Variants in WWOX observed in about 807,000 individuals in gnomAD.
WWOX encodes WW domain-containing oxidoreductase.
Under a neutral mutation model 46.2 loss-of-function variants are expected in WWOX, and 69 were observed. That is an observed-to-expected ratio of 1.49 (90% confidence interval 1.23 to 1.82). WWOX has a LOEUF of 1.82. WWOX is among the 40% of genes most tolerant of loss of function. The probability of loss-of-function intolerance (pLI) is 0.00; values close to 1 mark genes in which losing one functional copy is unlikely to be tolerated. For missense variants in WWOX, 919 were observed against 542.6 expected (o/e 1.69, Z -6.89); for synonymous variants, 359 against 202.6 (o/e 1.77, Z -6.56).
chr16:78,857,563 C>T (rs1241167439), intron 8 of WWOX, among the ~76,000 whole-genome samples: 1 of 152,126 alleles, frequency 6.6e-6, no homozygotes, highest in Non-Finnish European at 1.5e-5. Context: ...CCCAAGCTGA[C>T]TGTCGGTCAA....
rs143900709 is a variant in WWOX, at chr16:78,904,129, A to C, written c.1057-307479A>C. Reference sequence around the variant, plus strand: ...AACTGCAGAGCTTTTGCAGTTATTAAACTAGCAACAGATGTAAAGTCCAAC... The same window carrying C: ...AACTGCAGAGCTTTTGCAGTTATTACACTAGCAACAGATGTAAAGTCCAAC... On this transcript the variant is annotated intron_variant, in intron 8 of 8. Transcript: ENST00000566780. Among the ~76,000 whole-genome samples the C allele has an allele frequency of 4.1e-3, 623 of 152,284 alleles. 3 individuals are homozygous for C. The highest frequency in any genetic ancestry group is 0.014 in the African/African-American group (602 of 41,550).
At chr16:78,917,337 A>G (rs1457160115) in intron 8 of WWOX, among the ~76,000 whole-genome samples, 3 of 152,164 alleles carry the variant, frequency 2.0e-5, no homozygotes, top group East Asian at 3.9e-4. Context: ...GGTGTCCCAC[A>G]CTCAAATAAA....
intron 8 of WWOX, among the ~76,000 whole-genome samples, chr16:78,953,024 G>A (rs1016096911): frequency 7.1e-6 from 1 of 141,572 alleles, no homozygotes; most frequent in Non-Finnish European, 1.5e-5. Context: ...TTGCTTCCCT[G>A]GATTTTTTTT....
At chr16:78,783,559 G>A (rs1305115499) in intron 8 of WWOX, among the ~76,000 whole-genome samples, 1 of 152,214 alleles carries the variant, frequency 6.6e-6, no homozygotes, top group East Asian at 1.9e-4. Flanking sequence ...AGGTTGATGT[G>A]TATGAGACCT....
rs1160494046 is a variant in WWOX, at chr16:78,422,720, C to CAT, written c.606-2140_606-2139dup. ...ACACACATATATATATACACACACA[C>CAT]ATATATATATACACACACATATATA... On this transcript the variant is annotated intron_variant, in intron 6 of 8. Transcript: ENST00000566780. Among the ~76,000 whole-genome samples, 37 of 95,858 alleles carry CAT rather than the reference C, an allele frequency of 3.9e-4. 1 individual carries two copies. Among genetic ancestry groups the CAT allele is most frequent in the African/African-American group, 8.6e-4 (18 of 20,856 alleles). The allele number at this position is 95,858 out of a possible 152,430, so 62.9% of individuals were successfully genotyped here.
At chr16:78,420,627 A>G (rs2082903394) in intron 6 of WWOX, among the ~76,000 whole-genome samples, 1 of 149,004 alleles carries the variant, frequency 6.7e-6, no homozygotes. Context: ...GTGTAGGTAG[A>G]TAGAGGGTGG....
chr16:78,544,318 C>T (rs1018269773), intron 8 of WWOX, among the ~76,000 whole-genome samples: 2 of 152,192 alleles, frequency 1.3e-5, no homozygotes, highest in Non-Finnish European at 2.9e-5. Context: ...CTTAATAATA[C>T]AATCATAGTT....
chr16:78,271,958 G>T (rs979127994), intron 5 of WWOX, among the ~76,000 whole-genome samples: 1 of 152,160 alleles, frequency 6.6e-6, no homozygotes, highest in South Asian at 2.1e-4. Flanking sequence ...GGCAGATGGA[G>T]GTTCTAATCC....
chr16:78,751,660 C>G (rs137944861), intron 8 of WWOX, among the ~76,000 whole-genome samples: 2 of 151,416 alleles, frequency 1.3e-5, no homozygotes, highest in Admixed American at 1.3e-4. Context: ...AAACAATACT[C>G]CAAGAAAGCC....
chr16:79,113,773 TAAGGAGGGCA>T (rs1363985521), intron 8 of WWOX, among the ~76,000 whole-genome samples: 2 of 152,144 alleles, frequency 1.3e-5, no homozygotes, highest in Admixed American at 1.3e-4. Context: ...GAGGGAGGGT[TAAGGAGGGCA>T]AAGGAGAGAT....
At chr16:78,578,148 G>A (rs951741026) in intron 8 of WWOX, among the ~76,000 whole-genome samples, 7 of 149,816 alleles carry the variant, frequency 4.7e-5, no homozygotes, top group Non-Finnish European at 1.0e-4. Flanking sequence ...AGCTGTTGTT[G>A]ATGCTTTTTT....
chr16:78,132,116 C>A (rs1473698473), intron 4 of WWOX, among the ~76,000 whole-genome samples: 6 of 151,330 alleles, frequency 4.0e-5, no homozygotes, highest in African/African-American at 1.5e-4. Flanking sequence ...GCTCCACCTC[C>A]CGGGTTCACG....
At chr16:78,370,976 A>ATGTCTTTT (rs776317489) in intron 5 of WWOX, among the ~76,000 whole-genome samples, 1 of 128,588 alleles carries the variant, frequency 7.8e-6, no homozygotes, top group Non-Finnish European at 1.7e-5. Flanking sequence ...CTGTGTTGTG[A>ATGTCTTTT]TTTCTTTTTT....
chr16:78,166,165 CTT>C (rs950636134), intron 5 of WWOX, among the ~76,000 whole-genome samples: 3 of 145,880 alleles, frequency 2.1e-5, no homozygotes, highest in African/African-American at 2.5e-5. Flanking sequence ...CTGTTCTGTA[CTT>C]TTTTTTTTTT....
At chr16:78,295,681 G>A (rs181944377) in intron 5 of WWOX, among the ~76,000 whole-genome samples, 5 of 152,114 alleles carry the variant, frequency 3.3e-5, no homozygotes, top group East Asian at 1.9e-4. Flanking sequence ...ACTGGACTCC[G>A]GCCTGGGTGG....
chr16:78,150,251 G>A (rs965052569), intron 4 of WWOX, among the ~76,000 whole-genome samples: 2 of 152,138 alleles, frequency 1.3e-5, no homozygotes, highest in African/African-American at 2.4e-5. Flanking sequence ...CAGATGAAGC[G>A]GTACATAGGG....
chr16:78,842,004 G>C (rs997240836), intron 8 of WWOX, among the ~76,000 whole-genome samples: 2 of 152,168 alleles, frequency 1.3e-5, no homozygotes, highest in African/African-American at 4.8e-5. Context: ...GGATATAAGA[G>C]ACACACTATA....
chr16:78,490,267 C>CCTTTTGAAGCATCAACCAAGG (rs2084747197), intron 8 of WWOX, among the ~76,000 whole-genome samples: 1 of 151,226 alleles, frequency 6.6e-6, no homozygotes. Flanking sequence ...CCAACGGAAG[C>CCTTTTGAAGCATCAACCAAGG]CTTTTGGAAG....
intron 8 of WWOX, among the ~76,000 whole-genome samples, chr16:78,645,723 GTCA>G (rs1258637467): frequency 6.6e-6 from 1 of 152,156 alleles, no homozygotes; most frequent in Non-Finnish European, 1.5e-5. Flanking sequence ...CTAGACTCCT[GTCA>G]TCAGCCACGG....
Sources: gnomAD v4.1 joint callset for allele counts (sites outside exome capture counted in the v4.1 genomes callset) on GRCh38, gnomAD v4.1.1 for gene constraint, MANE v1.5 for transcripts, NCBI Gene and HGNC (gene_info 2026-07-23, HGNC 2026-07-21) for gene names.